The following GREB1L variants were observed in gnomAD, a reference collection of about 807,000 sequenced individuals.
GREB1L encodes the protein GREB1-like protein.
GREB1L carries 17 observed loss-of-function variants against 200.8 expected under a neutral mutation model. The observed-to-expected ratio is 0.08, with a 90% CI of 0.06 to 0.13. GREB1L has a LOEUF of 0.13. GREB1L is among the 10% of genes least tolerant of loss of function. The pLI, the probability that GREB1L is intolerant of heterozygous loss-of-function variation, is 1.00. For synonymous variants in GREB1L, 789 were observed against 893.0 expected (o/e 0.88, Z 2.08); for missense variants, 1,657 against 2,367.7 (o/e 0.70, Z 6.23).
chr18:21,316,036 C>G (rs536023809), intron 1 of GREB1L, among the ~76,000 whole-genome samples: 1 of 152,094 alleles, frequency 6.6e-6, no homozygotes, highest in Non-Finnish European at 1.5e-5. Context: ...ACCTTTTCAT[C>G]GTGGCATTTC....
Position 21,473,204 on chromosome 18 carries a change from C to A in GREB1L, c.2356C>A (p.Leu786Ile). The change falls in exon 16 of 33, where the codon CTA becomes ATA. Residue 786 changes from leucine (L) to isoleucine (I), a missense_variant. Physicochemically the swap from Leu to Ile is conservative, Grantham distance 5. Transcript: ENST00000424526. ...AGTTCATGACAACTCCCATGTGGAA[C>A]TAACGAGGTGATTGGTTCAGAGTGA... The part of the protein sequence containing the change: ...VLVHDNSHVE[L>I]TSVISGSLSH... The A allele has an allele frequency of 6.6e-7, 1 of 1,524,674 alleles. No homozygotes were observed. Among genetic ancestry groups the A allele is most frequent in the Admixed American group, 2.1e-5 (1 of 48,404 alleles). The allele number at this position is 1,524,674 out of a possible 1,614,324, so 94.4% of individuals were successfully genotyped here. A position where few individuals can be genotyped will look rare whatever the true frequency, so the allele number is the denominator to read the frequency against.
chr18:21,370,462 TTGTC>T (rs748069169), intron 2 of GREB1L, among the ~76,000 whole-genome samples: 6 of 152,248 alleles, frequency 3.9e-5, no homozygotes, highest in Non-Finnish European at 5.9e-5. Context: ...TTTGGTTTAT[TTGTC>T]TGAGAGTCAT....
intron 7 of GREB1L, among the ~76,000 whole-genome samples, chr18:21,419,568 G>A (rs912629725): frequency 6.6e-6 from 1 of 152,164 alleles, no homozygotes; most frequent in Non-Finnish European, 1.5e-5. Flanking sequence ...TCCAGCCTCA[G>A]CTACCCAAGT....
intron 1 of GREB1L, among the ~76,000 whole-genome samples, chr18:21,355,106 T>C (rs1355298945): frequency 2.0e-5 from 3 of 152,134 alleles, no homozygotes; most frequent in Admixed American, 2.0e-4. Context: ...GGTGACTGCC[T>C]TCCCTCAGAG....
At chr18:21,486,120 C>A (rs1307527345) in intron 18 of GREB1L, among the ~76,000 whole-genome samples, 1 of 152,134 alleles carries the variant, frequency 6.6e-6, no homozygotes, top group African/African-American at 2.4e-5. Flanking sequence ...TTTGGGAGGC[C>A]GAGGCGGGCG....
At chr18:21,340,665 C>T (rs1204994807) in intron 1 of GREB1L, among the ~76,000 whole-genome samples, 1 of 151,856 alleles carries the variant, frequency 6.6e-6, no homozygotes, top group Non-Finnish European at 1.5e-5. Context: ...GCCTCAGCCT[C>T]CTGAGTAGCT....
intron 15 of GREB1L, among the ~76,000 whole-genome samples, chr18:21,457,367 G>C (rs1395549833): frequency 2.0e-5 from 3 of 151,980 alleles, no homozygotes. Context: ...CATACATACT[G>C]AAATTTTTGC....
chr18:21,278,389 A>T (rs112319820), intron 1 of GREB1L, among the ~76,000 whole-genome samples: 10,088 of 125,472 alleles, frequency 0.08, 792 homozygotes, highest in African/African-American at 0.23. Context: ...TCAAAAAAAA[A>T]AAATAAATAA....
At chr18:21,296,057 C>G (rs915899038) in intron 1 of GREB1L, among the ~76,000 whole-genome samples, 1 of 152,170 alleles carries the variant, frequency 6.6e-6, no homozygotes, top group Non-Finnish European at 1.5e-5. Context: ...ACAATTTGAC[C>G]TAGGAATCCC....
At chr18:21,424,006 T>C (rs548302811) in intron 7 of GREB1L, among the ~76,000 whole-genome samples, 1 of 152,312 alleles carries the variant, frequency 6.6e-6, no homozygotes, top group African/African-American at 2.4e-5. Flanking sequence ...GAGAAGGCCC[T>C]GAGACAAATA....
intron 1 of GREB1L, among the ~76,000 whole-genome samples, chr18:21,338,475 T>C (rs1461576862): frequency 6.6e-6 from 1 of 152,258 alleles, no homozygotes; most frequent in Non-Finnish European, 1.5e-5. Flanking sequence ...CAAATGGAAA[T>C]ATCTGTTCTA....
At chr18:21,412,364 G>A (rs1598786983) in intron 7 of GREB1L, among the ~76,000 whole-genome samples, 1 of 152,064 alleles carries the variant, frequency 6.6e-6, no homozygotes, top group East Asian at 1.9e-4. Flanking sequence ...AGTGAGCTGT[G>A]ATCTCACCAC....
intron 15 of GREB1L, among the ~76,000 whole-genome samples, chr18:21,467,902 G>A (rs574081235): frequency 6.6e-6 from 1 of 152,104 alleles, no homozygotes; most frequent in African/African-American, 2.4e-5. Flanking sequence ...GCATGCACCT[G>A]TAGTCCCAGC....
chr18:21,316,756 TGTC>T (rs1382789732), intron 1 of GREB1L: 3 of 150,356 alleles, frequency 2.0e-5, no homozygotes, highest in Non-Finnish European at 4.4e-5. Context: ...TTTATGACTA[TGTC>T]TTTTTTTTTT....
At chr18:21,390,915 GA>G (rs1426367370) in intron 4 of GREB1L, among the ~76,000 whole-genome samples, 1 of 152,128 alleles carries the variant, frequency 6.6e-6, no homozygotes, top group African/African-American at 2.4e-5. Flanking sequence ...AAGGATATAA[GA>G]AAGAAAACGT....
At chr18:21,490,991 C>T (rs1192755979) in intron 19 of GREB1L, among the ~76,000 whole-genome samples, 1 of 152,184 alleles carries the variant, frequency 6.6e-6, no homozygotes, top group African/African-American at 2.4e-5. Flanking sequence ...CTCTGCACGG[C>T]CAGTGATTGA....
chr18:21,522,729 G>A lies in GREB1L; in HGVS notation c.5680G>A (p.Asp1894Asn). 2 of 1,551,722 alleles carry A rather than the reference G, an allele frequency of 1.3e-6. No homozygotes were observed. The highest frequency in any genetic ancestry group is 1.7e-6 in the Non-Finnish European group (2 of 1,146,988). Residue 1894 changes from aspartate to asparagine, a missense_variant, in exon 33 of 33, where the codon GAT becomes AAT. Physicochemically the swap from Asp to Asn is conservative, Grantham distance 23 (BLOSUM62 1). Around this residue, in one of 9 missense-constraint regions of GREB1L, gnomAD observed 190 missense variants for 230.2 expected, o/e 0.83. Transcript: ENST00000424526. ...AACAATTGTCCGCTTAGAGCTAGAA[G>A]ATGAGTGGCAGTTCCGCCTCCGGGA... Reference protein sequence around the residue: ...RQTIVRLELEDEWQFRLRDEF... With the variant: ...RQTIVRLELENEWQFRLRDEF...
rs540807304 is a variant in GREB1L at position 21,261,331 on chromosome 18, A to C, written c.-120+18938A>C. Among the ~76,000 whole-genome samples, 46 of 152,148 alleles carry C rather than the reference A, an allele frequency of 3.0e-4. 1 individual carries two copies. Among genetic ancestry groups the C allele is most frequent in the Middle Eastern group, 6.8e-3 (2 of 294 alleles). The stretch of plus-strand genomic sequence containing the variant: ...TTTAAGGAAGCTTCTGCTTACCGCT[A>C]TTCTCTTTAAAACAGGTCAAGATTT... On this transcript the variant is annotated intron_variant, in intron 1 of 32. Coordinates refer to ENST00000424526, the MANE Select transcript of GREB1L (RefSeq NM_001142966.3).
intron 4 of GREB1L, among the ~76,000 whole-genome samples, chr18:21,393,860 C>A (rs1193452215): frequency 1.3e-5 from 2 of 152,136 alleles, no homozygotes; most frequent in East Asian, 1.9e-4. Flanking sequence ...CTGCGCCCGG[C>A]CTGAAATAGC....
Sources: gnomAD v4.1 joint callset for allele counts (sites outside exome capture counted in the v4.1 genomes callset) on GRCh38, gnomAD v4.1.1 for gene constraint, gnomAD v4.1.1 regional missense constraint, MANE v1.5 for transcripts, NCBI Gene and HGNC (gene_info 2026-07-23, HGNC 2026-07-21) for gene names.